Variants in RECQL5 observed in about 807,000 individuals in gnomAD.
RECQL5 encodes the protein RecQ like helicase 5, also known as ATP-dependent DNA helicase Q5.
A neutral mutation model predicts 103.4 loss-of-function variants in RECQL5; 88 were observed. That is an observed-to-expected ratio of 0.85 (90% CI 0.72 to 1.02). The LOEUF is 1.02. RECQL5 is among the 50% of genes least tolerant of loss of function. RECQL5 has a pLI of 0.00. For synonymous variants in RECQL5, 552 were observed against 507.9 expected, an observed-to-expected ratio of 1.09 and a Z score of -1.17; for missense variants, 1,232 against 1,284.3, an observed-to-expected ratio of 0.96 and a Z score of 0.62.
intron 13 of RECQL5, 44 bp downstream of exon 13, chr17:75,630,575 C>T (rs532909263): frequency 7.5e-6 from 12 of 1,599,558 alleles, no homozygotes; most frequent in South Asian, 1.1e-5. Context: ...TCCAAGGGAA[C>T]GAGAGCTTGG....
At position 75,640,751 on chromosome 17, in the gene RECQL5, TC is replaced by T; in HGVS notation, c.1230-9084del. On this transcript the variant is annotated intron_variant, in intron 8 of 19. Transcript: ENST00000317905. This position sits in a 1 kb window ranked among gnomAD's most constrained non-coding sequence, Gnocchi z 4.6. ...GGGAGGAGGGTGGGCATCCTTTCTC[TC>T]CCCCAACCTGAGTCCCGTGCTCTCT... 1.3e-6 allele frequency: 2 copies of T among 1,533,108 alleles called. No homozygotes were observed. The highest frequency in any genetic ancestry group is 1.8e-6 in the Non-Finnish European group (2 of 1,134,100). The allele number at this position is 1,533,108 out of a possible 1,614,324, so 95.0% of individuals were successfully genotyped here. A position where few individuals can be genotyped will look rare whatever the true frequency, so the allele number is the denominator to read the frequency against.
In RECQL5 at chr17:75,628,329, C is replaced by G. The variant is rs767370090; in HGVS notation, c.2694G>C (p.Thr898=). ...SASEQGTLNP[T]AQDPFQLSAP... ...CGGAGAGCTGGAAGGGGTCTTGAGC[C>G]GTGGGATTCAAGGTGCCCTGTTCGC... Residue 898 remains threonine, a synonymous_variant, in exon 18 of 20, where the codon ACG becomes ACC. Transcript: ENST00000317905. 1.2e-6 allele frequency: 2 copies of G among 1,614,102 alleles called. No homozygotes were observed. The highest frequency in any genetic ancestry group is 1.7e-6 in the Non-Finnish European group (2 of 1,180,020).
At chr17:75,665,620 G>A (rs2059761774) in intron 2 of RECQL5, among the ~76,000 whole-genome samples, 2 of 151,480 alleles carry the variant, frequency 1.3e-5, no homozygotes, top group Admixed American at 1.3e-4. Flanking sequence ...AACCCAGGAG[G>A]CGGAGGTTGC....
chr17:75,661,146 T>TGAA, intron 5 of RECQL5, 80 bp from the exon 6 acceptor site: 1 of 1,036,810 alleles, frequency 9.6e-7, no homozygotes, highest in Non-Finnish European at 1.5e-6. Flanking sequence ...TTTGACACTG[T>TGAA]GTGCTAGGCA....
chr17:75,627,841 A>C, intron 18 of RECQL5, 149 bp from the exon 19 acceptor site: 2 of 682,992 alleles, frequency 2.9e-6, no homozygotes, highest in Non-Finnish European at 4.9e-6. Flanking sequence ...AACACGGTGA[A>C]ACCCTGACTC....
At chr17:75,660,433 T>C (rs2148338383) in intron 6 of RECQL5, among the ~76,000 whole-genome samples, 1 of 152,344 alleles carries the variant, frequency 6.6e-6, no homozygotes, top group African/African-American at 2.4e-5. Context: ...TTACGGTGGA[T>C]AGTCTTTACA....
In RECQL5 at chr17:75,629,452, A is replaced by G; in HGVS notation, c.1971T>C (p.Ala657=). ...ACGGGCAGGAGCCTTTGGGGAAACCAGCTCCCACCCGCTTGGGTTTGAGCT... is the reference window on the plus strand; with the variant it reads ...ACGGGCAGGAGCCTTTGGGGAAACCGGCTCCCACCCGCTTGGGTTTGAGCT... ...VYSLKPKRVG[A]GFPKGSCPFQ... Residue 657 remains alanine (A), a synonymous_variant, in exon 16 of 20, where the codon GCT becomes GCC. Coordinates refer to ENST00000317905, the MANE Select transcript of RECQL5 (RefSeq NM_004259.7). 1.3e-6 allele frequency: 2 copies of G among 1,502,764 alleles called. No homozygotes were observed. Among genetic ancestry groups the G allele is most frequent in the South Asian group, 1.4e-5 (1 of 71,598 alleles). 93.1% of individuals were successfully genotyped at this position (1,502,764 alleles called of 1,614,324 possible). A position where few individuals can be genotyped will look rare whatever the true frequency, so the allele number is the denominator to read the frequency against.
intron 8 of RECQL5, chr17:75,633,686 G>A: frequency 8.7e-7 from 1 of 1,143,378 alleles, no homozygotes; most frequent in Non-Finnish European, 1.1e-6. Context: ...GTGGCCAGAG[G>A]GACAGAAGGG....
intron 8 of RECQL5, among the ~76,000 whole-genome samples, chr17:75,643,290 T>TGAGGCC (rs1450463756): frequency 6.6e-6 from 1 of 152,248 alleles, no homozygotes; most frequent in Non-Finnish European, 1.5e-5. Flanking sequence ...CGGCTGAGGC[T>TGAGGCC]GAGGCCCTTT....
chr17:75,632,441 T>C (rs1390334482), intron 8 of RECQL5, among the ~76,000 whole-genome samples: 2 of 152,354 alleles, frequency 1.3e-5, no homozygotes, highest in East Asian at 3.9e-4. Context: ...CAAGTTAAAT[T>C]TCTCAAAACG....
In RECQL5 at chr17:75,630,840, G is replaced by T. The variant is rs2059195309; in HGVS notation, c.1586-3C>A. 2.8e-6 allele frequency: 4 copies of T among 1,435,760 alleles called. No individual in the cohort carries two copies. The highest frequency in any genetic ancestry group is 1.4e-5 in the South Asian group (1 of 73,366). The allele number at this position is 1,435,760 out of a possible 1,614,324, so 88.9% of individuals were successfully genotyped here. On this transcript the variant is annotated splice_polypyrimidine_tract_variant and splice_region_variant and intron_variant, in intron 11 of 19. Coordinates refer to ENST00000317905, the MANE Select transcript of RECQL5 (RefSeq NM_004259.7). ...CTCTTTCAGGGGACAGTTCTCATCT[G>T]TGGGGGGGGGGGGTGGTCCTTGGTC...
In RECQL5 at chr17:75,636,002, C is replaced by T. The variant is rs557185194; in HGVS notation, c.1230-4334G>A. ...CATAAAGGAATGCTTCCCATCCCTC[C>T]GGCTCTGCCAGCCTTCTCTGCCCTG... On this transcript the variant is annotated intron_variant, in intron 8 of 19. Coordinates refer to ENST00000317905, the MANE Select transcript of RECQL5 (RefSeq NM_004259.7). This position sits in a 1 kb window ranked among gnomAD's most constrained non-coding sequence, Gnocchi z 5.4. Among the ~76,000 whole-genome samples the T allele has an allele frequency of 2.0e-4, 31 of 152,346 alleles. No individual in the cohort carries two copies. The highest frequency in any genetic ancestry group is 8.3e-4 in the South Asian group (4 of 4,828).
At chr17:75,662,017 CG>C (rs904921667) in intron 4 of RECQL5, among the ~76,000 whole-genome samples, 4 of 152,166 alleles carry the variant, frequency 2.6e-5, no homozygotes, top group Admixed American at 2.6e-4. Flanking sequence ...CAAAATTAAC[CG>C]GGAGTGGTGG....
intron 6 of RECQL5, among the ~76,000 whole-genome samples, chr17:75,659,147 C>T (rs2059666310): frequency 6.6e-6 from 1 of 152,050 alleles, no homozygotes; most frequent in Non-Finnish European, 1.5e-5. Flanking sequence ...CTGCAACCTC[C>T]ACCTCCCGGG....
chr17:75,630,196 G>T lies in RECQL5; in HGVS notation c.1800C>A (p.Ser600Arg). The T allele has an allele frequency of 6.4e-7, 1 of 1,552,662 alleles. No individual in the cohort carries two copies. Among genetic ancestry groups the T allele is most frequent in the Non-Finnish European group, 8.7e-7 (1 of 1,147,370 alleles). The part of the protein sequence containing the change: ...NAKVANLYKA[S>R]VLKKVADIHR... The stretch of plus-strand genomic sequence containing the variant: ...GCACCAGGCCCACCTTCTTCAGCAC[G>T]CTGGCCTTGTAGAGGTTGGCCACCT... Residue 600 changes from serine (S) to arginine (R), a missense_variant, in exon 14 of 20, where the codon AGC (serine) becomes AGA (arginine). Ser to Arg is a moderately radical substitution (Grantham distance 110). Coordinates refer to ENST00000317905, the MANE Select transcript of RECQL5 (RefSeq NM_004259.7).
chr17:75,649,958 C>G (rs1265633521), intron 8 of RECQL5: 2 of 985,440 alleles, frequency 2.0e-6, no homozygotes, highest in Non-Finnish European at 1.2e-6. Flanking sequence ...TGTTCCCTTG[C>G]CTGGCAGGCG....
intron 8 of RECQL5, among the ~76,000 whole-genome samples, chr17:75,644,976 C>G (rs1450266279): frequency 1.3e-5 from 2 of 152,192 alleles, no homozygotes; most frequent in Non-Finnish European, 2.9e-5. Flanking sequence ...ACACCTTTTC[C>G]TTGGCCGGCC....
chr17:75,653,143 C>A (rs186647126), intron 7 of RECQL5, among the ~76,000 whole-genome samples: 1 of 152,202 alleles, frequency 6.6e-6, no homozygotes. Flanking sequence ...TTCCCTTTGG[C>A]TCCCACTAGA....
At chr17:75,652,700 C>T in intron 7 of RECQL5, 1 of 152,518 alleles carries the variant, frequency 6.6e-6, no homozygotes, top group Non-Finnish European at 1.5e-5. Flanking sequence ...AGCGCTGAGG[C>T]CTGGCTCCTG....
Sources: gnomAD v4.1 joint callset for allele counts (sites outside exome capture counted in the v4.1 genomes callset) on GRCh38, gnomAD v4.1.1 for gene constraint, Gnocchi (gnomAD v3.1) non-coding constraint, MANE v1.5 for transcripts, NCBI Gene and HGNC (gene_info 2026-07-23, HGNC 2026-07-21) for gene names.